Variants in NOVA2 observed in about 807,000 individuals in gnomAD.
NOVA2 encodes NOVA alternative splicing regulator 2, also known as RNA-binding protein Nova-2.
NOVA2 carries 9 observed loss-of-function variants against 22.5 expected under a neutral mutation model. The observed-to-expected ratio is 0.40, with a 90% CI of 0.24 to 0.70. The LOEUF is 0.70. Among genes scored for constraint, NOVA2 ranks in the 30% least tolerant of loss-of-function variants. NOVA2 has a pLI of 0.38. For synonymous variants in NOVA2, 318 were observed against 335.2 expected, an observed-to-expected ratio of 0.95 and a Z score of 0.56; for missense variants, 383 against 682.8, an observed-to-expected ratio of 0.56 and a Z score of 4.89.
At position 45,939,605 on chromosome 19, in the gene NOVA2, T is replaced by TCAGGCC. The variant is rs1967711888; in HGVS notation, c.*252_*257dup. 4 of 519,492 alleles carry TCAGGCC rather than the reference T, an allele frequency of 7.7e-6. No homozygotes were observed. The highest frequency in any genetic ancestry group is 1.4e-5 in the Non-Finnish European group (4 of 290,808). 32.2% of individuals were successfully genotyped at this position (519,492 alleles called of 1,614,324 possible). A position where few individuals can be genotyped will look rare whatever the true frequency, so the allele number is the denominator to read the frequency against. On this transcript the variant is annotated 3_prime_UTR_variant, in exon 4 of 4. Transcript: ENST00000263257. Reference sequence around the variant, plus strand: ...GACCTGGGCCCTGGGACAGGAAGGGTCAGGCCCAGCCAAGCACAGGGAGGG... The same window carrying TCAGGCC: ...GACCTGGGCCCTGGGACAGGAAGGGTCAGGCCCAGGCCCAGCCAAGCACAGGGAGGG...
chr19:45,960,575 G>A (rs532296551), intron 2 of NOVA2, among the ~76,000 whole-genome samples: 2 of 151,962 alleles, frequency 1.3e-5, no homozygotes, highest in African/African-American at 4.8e-5. Context: ...GAATGACACC[G>A]AGACAGAGAA....
chr19:45,963,667 G>A (rs557663212), intron 1 of NOVA2, among the ~76,000 whole-genome samples: 5 of 152,000 alleles, frequency 3.3e-5, no homozygotes, highest in Non-Finnish European at 7.4e-5. Flanking sequence ...GAGTAGCTGG[G>A]ACTACAGGTG....
At chr19:45,958,259 A>G (rs147308603) in intron 2 of NOVA2, among the ~76,000 whole-genome samples, 15 of 151,986 alleles carry the variant, frequency 9.9e-5, no homozygotes, top group African/African-American at 3.6e-4. Context: ...GGGCTTTGGG[A>G]TCCACCACAA....
At chr19:45,965,934 G>A (rs903188484) in intron 1 of NOVA2, among the ~76,000 whole-genome samples, 3 of 152,194 alleles carry the variant, frequency 2.0e-5, no homozygotes, top group African/African-American at 7.2e-5. Context: ...TTTGAGAAAT[G>A]TTAGATATCA....
At position 45,934,415 on chromosome 19, in the gene NOVA2, CGG is replaced by C. The variant is rs1756791842; in HGVS notation, c.*5446_*5447del. The C allele has an allele frequency of 6.6e-6, 1 of 152,150 alleles. No individual in the cohort carries two copies. The highest frequency in any genetic ancestry group is 2.4e-5 in the African/African-American group (1 of 41,388). The allele number at this position is 152,150 out of a possible 1,614,324, so 9.4% of individuals were successfully genotyped here. Reference sequence around the variant, plus strand: ...GAATCCATTTCACAGAAGGGGAAAACGGAGGCATCCTCCCAGACTACACCTTT... The same window carrying C: ...GAATCCATTTCACAGAAGGGGAAAACAGGCATCCTCCCAGACTACACCTTT... On this transcript the variant is annotated 3_prime_UTR_variant, in exon 4 of 4. Transcript: ENST00000263257.
chr19:45,945,835 ATTATTT>A (rs1352546114), intron 3 of NOVA2, among the ~76,000 whole-genome samples: 2 of 147,718 alleles, frequency 1.4e-5, no homozygotes, highest in African/African-American at 2.5e-5. Flanking sequence ...TATTATTATT[ATTATTT>A]TTTTTTTTTT....
At chr19:45,973,050 C>A (rs1297000664) in intron 1 of NOVA2, among the ~76,000 whole-genome samples, 2 of 148,240 alleles carry the variant, frequency 1.3e-5, no homozygotes, top group Admixed American at 6.7e-5. Flanking sequence ...CTCCCCCCCA[C>A]CCCTCTCCTC....
chr19:45,950,995 C>A (rs376446558), intron 3 of NOVA2, among the ~76,000 whole-genome samples: 1 of 152,256 alleles, frequency 6.6e-6, no homozygotes, highest in South Asian at 2.1e-4. Flanking sequence ...GATTCCTAAG[C>A]CTTACCAGAA....
intron 1 of NOVA2, among the ~76,000 whole-genome samples, chr19:45,970,308 T>A (rs1968216753): frequency 6.6e-6 from 1 of 152,108 alleles, no homozygotes; most frequent in South Asian, 2.1e-4. Flanking sequence ...GAGAGTGATA[T>A]GAAATTGCAC....
intron 3 of NOVA2, among the ~76,000 whole-genome samples, chr19:45,952,959 G>C (rs1052767252): frequency 6.6e-6 from 1 of 152,208 alleles, no homozygotes; most frequent in Non-Finnish European, 1.5e-5. Flanking sequence ...AGACGTTAAC[G>C]AGCCCTCGCA....
chr19:45,940,968 G>C, intron 3 of NOVA2, 23 bp from the exon 4 acceptor site: 2 of 1,561,048 alleles, frequency 1.3e-6, no homozygotes, highest in Non-Finnish European at 1.7e-6. Flanking sequence ...CAAAAGGGAG[G>C]GTCTTTAATT....
Position 45,938,403 on chromosome 19 carries a change from C to T in NOVA2, c.*1460G>A, listed in dbSNP as rs1967688130. The T allele has an allele frequency of 6.6e-6, 1 of 152,492 alleles. No individual in the cohort carries two copies. The highest frequency in any genetic ancestry group is 6.5e-5 in the Admixed American group (1 of 15,288). The allele number at this position is 152,492 out of a possible 1,614,324, so 9.4% of individuals were successfully genotyped here. ...GCTTGCTGGAAGCCACCAAACCAAT[C>T]TAACCTATCAGACCACACGAAGCAT... On this transcript the variant is annotated 3_prime_UTR_variant, in exon 4 of 4. Coordinates refer to ENST00000263257, the MANE Select transcript of NOVA2 (RefSeq NM_002516.4).
chr19:45,946,812 C>T (rs1967846469), intron 3 of NOVA2, among the ~76,000 whole-genome samples: 1 of 150,610 alleles, frequency 6.6e-6, no homozygotes, highest in Non-Finnish European at 1.5e-5. Flanking sequence ...GCGGAGGTTG[C>T]AGCGAGCCGA....
rs142081591 is a variant in NOVA2 at position 45,959,802 on chromosome 19, G to A, written c.229+1208C>T. On this transcript the variant is annotated intron_variant, in intron 2 of 3. Transcript: ENST00000263257. ...GGAGAGAGGAGAGACGGGGTGGGGA[G>A]AGAGAGAGAGACAGAGAGGGAGAGA... is the stretch of plus-strand genomic sequence containing the variant. Among the ~76,000 whole-genome samples, 8 of 146,548 alleles carry A rather than the reference G, an allele frequency of 5.5e-5. No individual in the cohort carries two copies. The East Asian group carries it at 1.6e-3, about 29-fold the overall frequency.
intron 3 of NOVA2, among the ~76,000 whole-genome samples, chr19:45,943,605 C>G (rs1347179931): frequency 6.6e-6 from 1 of 151,616 alleles, no homozygotes; most frequent in Admixed American, 6.6e-5. Flanking sequence ...GTAGTCCCAG[C>G]TACTCAGGAG....
chr19:45,938,747 C>A lies in NOVA2; in HGVS notation c.*1116G>T, dbSNP rs1967695233. ...GTGCCTTATTCTCTTCCTAGGAAGA[C>A]CCCCAGGCCAACACCCACCAAAGAA... is the stretch of plus-strand genomic sequence containing the variant. On this transcript the variant is annotated 3_prime_UTR_variant, in exon 4 of 4. Transcript: ENST00000263257. 6.6e-6 allele frequency: 1 copy of A among 152,048 alleles called. No homozygotes were observed. The highest frequency in any genetic ancestry group is 6.5e-5 in the Admixed American group (1 of 15,284). 9.4% of individuals were successfully genotyped at this position (152,048 alleles called of 1,614,324 possible). A position where few individuals can be genotyped will look rare whatever the true frequency, so the allele number is the denominator to read the frequency against.
In NOVA2 at chr19:45,940,594, AGGC is replaced by A. The variant is rs1273148308; in HGVS notation, c.745_747del (p.Ala249del). 2 of 1,422,996 alleles carry A rather than the reference AGGC, an allele frequency of 1.4e-6. No individual in the cohort carries two copies. The highest frequency in any genetic ancestry group is 9.1e-7 in the Non-Finnish European group (1 of 1,099,902). 88.1% of individuals were successfully genotyped at this position (1,422,996 alleles called of 1,614,324 possible). Reference sequence around the variant, plus strand: ...AGCCCGGCGGGGCCCAGCAGGCCGGAGGCGGCGGCGGCCGACGCTGCGGCCGCG... The same window carrying A: ...AGCCCGGCGGGGCCCAGCAGGCCGGAGGCGGCGGCCGACGCTGCGGCCGCG... On this transcript the variant is annotated inframe_deletion, in exon 4 of 4. Transcript: ENST00000263257.
At chr19:45,967,374 T>C (rs1196936663) in intron 1 of NOVA2, 1 of 152,134 alleles carries the variant, frequency 6.6e-6, no homozygotes, top group African/African-American at 2.4e-5. Context: ...CCCACCCTGT[T>C]TGAACAACCA....
At chr19:45,951,618 C>CA (rs56350605) in intron 3 of NOVA2, among the ~76,000 whole-genome samples, 1 of 131,436 alleles carries the variant, frequency 7.6e-6, no homozygotes, top group Non-Finnish European at 1.6e-5. Flanking sequence ...AACTCCGTTT[C>CA]AAAAAAAAAA....
Sources: allele counts gnomAD v4.1 joint callset (sites outside exome capture counted in the v4.1 genomes callset), GRCh38; gene constraint gnomAD v4.1.1; transcripts MANE v1.5; gene names NCBI Gene and HGNC (gene_info 2026-07-23, HGNC 2026-07-21).